The following SMYD3 variants were observed in gnomAD, a reference collection of about 807,000 sequenced individuals.
SMYD3 encodes the protein SET and MYND domain containing 3.
SMYD3 carries 36 observed loss-of-function variants against 57.7 expected under a neutral mutation model. That is an observed-to-expected ratio of 0.62 (90% CI 0.48 to 0.82). The LOEUF is 0.82. SMYD3 is among the 40% of genes least tolerant of loss of function. The pLI is 0.00. For missense variants in SMYD3, 515 were observed against 538.8 expected (o/e 0.96, Z 0.44); for synonymous variants, 211 against 195.0 (o/e 1.08, Z -0.68).
intron 5 of SMYD3, among the ~76,000 whole-genome samples, chr1:246,133,799 G>C (rs952436640): frequency 6.6e-6 from 1 of 152,082 alleles, no homozygotes; most frequent in Admixed American, 6.5e-5. Flanking sequence ...TCAAAAAAAA[G>C]CTTGAAAACA....
At chr1:246,291,243 G>A (rs570300889) in intron 5 of SMYD3, among the ~76,000 whole-genome samples, 59 of 152,252 alleles carry the variant, frequency 3.9e-4, no homozygotes, top group Admixed American at 1.8e-3. Context: ...AATAATATTC[G>A]CATACAAATT....
chr1:246,380,021 A>C (rs753165686), intron 1 of SMYD3, among the ~76,000 whole-genome samples: 5 of 151,964 alleles, frequency 3.3e-5, no homozygotes, highest in Non-Finnish European at 7.4e-5. Context: ...AAAAAAAAGA[A>C]AGAAAGAAAG....
chr1:246,227,689 C>T (rs1460223092), intron 5 of SMYD3, among the ~76,000 whole-genome samples: 4 of 152,006 alleles, frequency 2.6e-5, no homozygotes, highest in African/African-American at 7.2e-5. Context: ...GATGAAACTC[C>T]GTCCTAAAGA....
At chr1:245,765,929 T>C (rs1011717247) in intron 10 of SMYD3, among the ~76,000 whole-genome samples, 1 of 152,130 alleles carries the variant, frequency 6.6e-6, no homozygotes, top group Non-Finnish European at 1.5e-5. Flanking sequence ...GAGAGACAGG[T>C]ATGTTCTCTG....
At chr1:245,859,619 G>A (rs755949613) in intron 9 of SMYD3, among the ~76,000 whole-genome samples, 8 of 152,186 alleles carry the variant, frequency 5.3e-5, no homozygotes, top group South Asian at 2.1e-4. Flanking sequence ...CTGGGACCTC[G>A]CAGTTTCTTC....
chr1:246,229,420 A>G (rs1259113868), intron 5 of SMYD3, among the ~76,000 whole-genome samples: 1 of 152,228 alleles, frequency 6.6e-6, no homozygotes, highest in Non-Finnish European at 1.5e-5. Flanking sequence ...AATAATGCCA[A>G]TAATTTACTT....
chr1:246,363,195 C>A (rs1433842640), intron 1 of SMYD3, among the ~76,000 whole-genome samples: 2 of 151,296 alleles, frequency 1.3e-5, no homozygotes, highest in Non-Finnish European at 3.0e-5. Flanking sequence ...GCAGCCACCC[C>A]GTCTGGGAAG....
At chr1:246,190,690 G>T (rs369362218) in intron 5 of SMYD3, among the ~76,000 whole-genome samples, 5 of 148,900 alleles carry the variant, frequency 3.4e-5, no homozygotes, top group East Asian at 4.1e-4. Context: ...TAAAAATCAT[G>T]ATTTTCTTTG....
chr1:245,928,775 C>G (rs1475431112), intron 6 of SMYD3, among the ~76,000 whole-genome samples: 2 of 152,180 alleles, frequency 1.3e-5, no homozygotes, highest in African/African-American at 4.8e-5. Flanking sequence ...GAAATGGCCG[C>G]CTTTGCTAGA....
chr1:246,161,237 T>C (rs376472087), intron 5 of SMYD3, among the ~76,000 whole-genome samples: 1 of 152,286 alleles, frequency 6.6e-6, no homozygotes. Flanking sequence ...GCTGTGGTTG[T>C]AAAGGCCTAT....
intron 5 of SMYD3, among the ~76,000 whole-genome samples, chr1:245,946,331 G>T (rs371785029): frequency 5.2e-4 from 79 of 152,252 alleles, no homozygotes; most frequent in African/African-American, 1.8e-3. Context: ...TCCACCGCAT[G>T]TGGAGGCCAC....
intron 5 of SMYD3, among the ~76,000 whole-genome samples, chr1:246,232,317 C>T (rs903077606): frequency 1.3e-5 from 2 of 152,128 alleles, no homozygotes; most frequent in Non-Finnish European, 2.9e-5. Context: ...AAAATAAAGC[C>T]CTGTAGTCCC....
At chr1:246,077,596 G>C (rs2060570076) in intron 5 of SMYD3, among the ~76,000 whole-genome samples, 1 of 151,682 alleles carries the variant, frequency 6.6e-6, no homozygotes, top group African/African-American at 2.4e-5. Flanking sequence ...TATCATCCAG[G>C]AAAAGGTCAT....
intron 5 of SMYD3, among the ~76,000 whole-genome samples, chr1:246,231,709 CT>C (rs2063411016): frequency 6.6e-6 from 1 of 152,130 alleles, no homozygotes; most frequent in Admixed American, 6.5e-5. Context: ...AGAAACAGGA[CT>C]TGATACAAAA....
At position 246,299,548 on chromosome 1, in the gene SMYD3, C is replaced by A. The variant is rs558641656; in HGVS notation, c.531+27653G>T. ...ATGAAGACACATGCACATCTATGTTCATCGCAGCACTATTCACAATAGAAA... is the reference window on the plus strand; with the variant it reads ...ATGAAGACACATGCACATCTATGTTAATCGCAGCACTATTCACAATAGAAA... On this transcript the variant is annotated intron_variant, in intron 5 of 11. Transcript: ENST00000490107. 3.3e-5 allele frequency among the ~76,000 whole-genome samples: 5 copies of A among 152,166 alleles called. No individual in the cohort carries two copies. In the East Asian group the frequency reaches 9.7e-4, roughly 29 times the overall value.
At chr1:246,419,962 G>A (rs370059462) in intron 1 of SMYD3, among the ~76,000 whole-genome samples, 4 of 152,230 alleles carry the variant, frequency 2.6e-5, no homozygotes, top group South Asian at 2.1e-4. Context: ...TCGGGAGGCC[G>A]AGGCAGGGGG....
chr1:246,336,968 C>T (rs2065553516), intron 2 of SMYD3, among the ~76,000 whole-genome samples: 1 of 152,168 alleles, frequency 6.6e-6, no homozygotes, highest in African/African-American at 2.4e-5. Flanking sequence ...TATTAAATCA[C>T]AGGAGGGATT....
chr1:246,046,583 C>G (rs2059969580), intron 5 of SMYD3, among the ~76,000 whole-genome samples: 1 of 150,626 alleles, frequency 6.6e-6, no homozygotes, highest in Non-Finnish European at 1.5e-5. Context: ...ATGTAACAAA[C>G]CTGCACGTTG....
intron 5 of SMYD3, among the ~76,000 whole-genome samples, chr1:246,025,082 A>G (rs2059551595): frequency 6.6e-6 from 1 of 150,674 alleles, no homozygotes; most frequent in Non-Finnish European, 1.5e-5. Context: ...GAAGGGAGAT[A>G]CAGGAAGTGG....
Sources: gnomAD v4.1 joint callset for allele counts (sites outside exome capture counted in the v4.1 genomes callset) on GRCh38, gnomAD v4.1.1 for gene constraint, MANE v1.5 for transcripts, NCBI Gene and HGNC (gene_info 2026-07-23, HGNC 2026-07-21) for gene names.